Variants in ZFYVE28 observed in about 807,000 individuals in gnomAD.
The protein encoded by ZFYVE28 is lateral signaling target protein 2 homolog.
Under a neutral mutation model 82.1 loss-of-function variants are expected in ZFYVE28, and 40 were observed. That is an observed-to-expected ratio of 0.49 (90% CI 0.38 to 0.63). The LOEUF (loss-of-function observed/expected upper bound fraction) is 0.63, where lower values mean the gene tolerates loss of function less well. Ranked by LOEUF, ZFYVE28 falls within the 30% of genes least tolerant of loss-of-function variation. The pLI is 0.00. For synonymous variants in ZFYVE28, 612 were observed against 546.1 expected, an observed-to-expected ratio of 1.12 and a Z score of -1.68; for missense variants, 1,321 against 1,242.1, an observed-to-expected ratio of 1.06 and a Z score of -0.96.
rs67940269 is a variant in ZFYVE28 at position 2,327,251 on chromosome 4, AATATATATATATATATATATATATATAT to A, written c.702-7008_702-6981del. ...GGTGACGGAGCAAGACTCCATCTCA[AATATATATATATATATATATATATATAT>A]ATATATATATATATATATATATATA... On this transcript the variant is annotated intron_variant, in intron 6 of 12. Transcript: ENST00000290974. Among the ~76,000 whole-genome samples, 787 of 87,328 alleles carry A rather than the reference AATATATATATATATATATATATATATAT, an allele frequency of 9.0e-3. 30 individuals carry two copies. Among genetic ancestry groups the A allele is most frequent in the East Asian group, 0.052 (105 of 2,006 alleles). The allele number at this position is 87,328 out of a possible 152,430, so 57.3% of individuals were successfully genotyped here.
At chr4:2,283,573 T>C (rs1293263682) in intron 8 of ZFYVE28, among the ~76,000 whole-genome samples, 8 of 150,068 alleles carry the variant, frequency 5.3e-5, no homozygotes, top group African/African-American at 1.5e-4. Context: ...CAACCGTCCA[T>C]CCACCCATCC....
intron 7 of ZFYVE28, among the ~76,000 whole-genome samples, chr4:2,311,827 A>C (rs151191571): frequency 0.011 from 1,682 of 152,200 alleles, 29 homozygotes; most frequent in African/African-American, 0.038. Flanking sequence ...CTCAGACTGG[A>C]ATACAGTGAC....
intron 1 of ZFYVE28, among the ~76,000 whole-genome samples, chr4:2,374,943 C>T (rs1359869734): frequency 6.6e-6 from 1 of 152,184 alleles, no homozygotes; most frequent in Non-Finnish European, 1.5e-5. Context: ...CACCTGGTGC[C>T]CGTGGATAAG....
intron 1 of ZFYVE28, among the ~76,000 whole-genome samples, chr4:2,399,128 G>GGCGGGGGGTGAGAT (rs1560339090): frequency 9.3e-6 from 1 of 108,020 alleles, no homozygotes; most frequent in Non-Finnish European, 1.8e-5. Context: ...GAGGGCACAA[G>GGCGGGGGGTGAGAT]CTGGGTGGTG....
intron 1 of ZFYVE28, among the ~76,000 whole-genome samples, chr4:2,360,389 T>TCACA (rs10545681): frequency 0.31 from 44,727 of 143,100 alleles, 6,964 homozygotes; most frequent in East Asian, 0.41. Context: ...AGAGCTGTAA[T>TCACA]CACACACACA....
rs1722739264 is a variant in ZFYVE28, at chr4:2,341,177, C to T, written c.318+301G>A. ...ACACTTGTTCCTGATGTGGGCATTACTGCCATTAAAAACCACTTTTAGGTC... is the reference window on the plus strand; with the variant it reads ...ACACTTGTTCCTGATGTGGGCATTATTGCCATTAAAAACCACTTTTAGGTC... On this transcript the variant is annotated intron_variant, in intron 3 of 12. Coordinates refer to ENST00000290974, the MANE Select transcript of ZFYVE28 (RefSeq NM_020972.3). This position sits in a 1 kb window ranked among gnomAD's most constrained non-coding sequence, Gnocchi z 4.5. 2.2e-6 allele frequency: 1 copy of T among 456,920 alleles called. No homozygotes were observed. The highest frequency in any genetic ancestry group is 4.0e-6 in the Non-Finnish European group (1 of 250,474). The allele number at this position is 456,920 out of a possible 1,614,324, so 28.3% of individuals were successfully genotyped here. A position where few individuals can be genotyped will look rare whatever the true frequency, so the allele number is the denominator to read the frequency against.
At position 2,339,470 on chromosome 4, in the gene ZFYVE28, G is replaced by T; in HGVS notation, c.504C>A (p.Phe168Leu). The change falls in exon 4 of 13, where the codon TTC (phenylalanine) becomes TTA (leucine). Residue 168 changes from phenylalanine (F) to leucine (L), a missense_variant. This residue lies in a region of ZFYVE28 where 343 missense variants were observed against 408.4 expected (regional missense o/e 0.84). Transcript: ENST00000290974. The surrounding 1 kb of genome is among the most constrained non-coding windows in gnomAD (Gnocchi z 5.0). The part of the protein sequence containing the change: ...REALRHFDVL[F>L]AEFELSYVSA... ...TGCAGTACCTGAGCTCAAACTCTGCGAACAGGACGTCGAAGTGCCTCAGCG... is the reference window on the plus strand; with the variant it reads ...TGCAGTACCTGAGCTCAAACTCTGCTAACAGGACGTCGAAGTGCCTCAGCG... The T allele has an allele frequency of 1.9e-6, 3 of 1,613,812 alleles. No individual in the cohort carries two copies. Among genetic ancestry groups the T allele is most frequent in the Non-Finnish European group, 1.7e-6 (2 of 1,179,952 alleles).
At chr4:2,342,470 G>A (rs763928809) in intron 2 of ZFYVE28, 27 of 152,134 alleles carry the variant, frequency 1.8e-4, no homozygotes, top group Non-Finnish European at 2.9e-4. Flanking sequence ...CATAGCTTAC[G>A]ACAGCCTCAA....
intron 1 of ZFYVE28, among the ~76,000 whole-genome samples, chr4:2,356,377 C>T (rs571138648): frequency 1.3e-5 from 2 of 151,690 alleles, no homozygotes; most frequent in South Asian, 4.2e-4. Context: ...TGGGACACAG[C>T]CCAGAGCAAG....
intron 8 of ZFYVE28, among the ~76,000 whole-genome samples, chr4:2,296,625 A>G (rs1189950578): frequency 1.3e-5 from 2 of 152,088 alleles, no homozygotes; most frequent in Non-Finnish European, 2.9e-5. Flanking sequence ...TTAGGGACCA[A>G]TGGCTGCAGC....
intron 1 of ZFYVE28, among the ~76,000 whole-genome samples, chr4:2,400,516 G>A (rs1393324931): frequency 1.3e-5 from 2 of 152,120 alleles, no homozygotes; most frequent in African/African-American, 4.8e-5. Context: ...GTTTGCCTGG[G>A]TATATTAGTC....
In ZFYVE28 at chr4:2,303,279, C is replaced by T. The variant is rs149119500; in HGVS notation, c.2051+1010G>A. ...AGGACCGAGCACGGGAAGAAGGAGGCGTCTGCCCGCCACCAAGAACCCCCT... is the reference window on the plus strand; with the variant it reads ...AGGACCGAGCACGGGAAGAAGGAGGTGTCTGCCCGCCACCAAGAACCCCCT... On this transcript the variant is annotated intron_variant, in intron 8 of 12. Coordinates refer to ENST00000290974, the MANE Select transcript of ZFYVE28 (RefSeq NM_020972.3). Among the ~76,000 whole-genome samples, 194 of 152,282 alleles carry T rather than the reference C, an allele frequency of 1.3e-3. 6 individuals carry two copies. The Middle Eastern group carries it at 0.037, about 29-fold the overall frequency.
At chr4:2,410,230 A>G (rs1016092738) in intron 1 of ZFYVE28, among the ~76,000 whole-genome samples, 2 of 152,008 alleles carry the variant, frequency 1.3e-5, no homozygotes, top group African/African-American at 4.8e-5. Context: ...CATCACCCCA[A>G]AAGGAAACCC....
chr4:2,319,654 C>T (rs1718754748), intron 7 of ZFYVE28, among the ~76,000 whole-genome samples: 1 of 152,204 alleles, frequency 6.6e-6, no homozygotes, highest in African/African-American at 2.4e-5. Context: ...GCTCAGGCCA[C>T]CCAGCAAAGC....
chr4:2,415,892 G>A (rs1732987789), intron 1 of ZFYVE28, among the ~76,000 whole-genome samples: 1 of 152,210 alleles, frequency 6.6e-6, no homozygotes, highest in Non-Finnish European at 1.5e-5. Flanking sequence ...AGTTCAGACT[G>A]CCCACAGGGC....
chr4:2,334,719 T>G lies in ZFYVE28; in HGVS notation c.701+986A>C, dbSNP rs1190862505. ...CTACTCTGCCCAGTCCCACACCTGC[T>G]GGCCGCTGCCCACTGGACCCTCCCC... On this transcript the variant is annotated intron_variant, in intron 6 of 12. Transcript: ENST00000290974. 2.9e-5 allele frequency among the ~76,000 whole-genome samples: 4 copies of G among 137,074 alleles called. 1 individual carries two copies. The highest frequency in any genetic ancestry group is 6.4e-5 in the Non-Finnish European group (4 of 62,122). The allele number at this position is 137,074 out of a possible 152,430, so 89.9% of individuals were successfully genotyped here.
At chr4:2,370,742 A>G (rs1177457301) in intron 1 of ZFYVE28, among the ~76,000 whole-genome samples, 2 of 152,106 alleles carry the variant, frequency 1.3e-5, no homozygotes, top group African/African-American at 4.8e-5. Flanking sequence ...AGGCCATGGG[A>G]CCACCTGCAG....
intron 8 of ZFYVE28, among the ~76,000 whole-genome samples, chr4:2,284,671 T>A (rs775476616): frequency 6.6e-6 from 1 of 152,174 alleles, no homozygotes; most frequent in African/African-American, 2.4e-5. Flanking sequence ...TCTCCTCTTA[T>A]GGTGCCTCAC....
chr4:2,301,976 T>C (rs567703045), intron 8 of ZFYVE28, among the ~76,000 whole-genome samples: 13 of 152,284 alleles, frequency 8.5e-5, no homozygotes, highest in Admixed American at 4.6e-4. Context: ...AAGCCAGCAC[T>C]TGGGCCCGAG....
Sources: gnomAD v4.1 joint callset for allele counts (sites outside exome capture counted in the v4.1 genomes callset) on GRCh38, gnomAD v4.1.1 for gene constraint, gnomAD v4.1.1 regional missense constraint, Gnocchi (gnomAD v3.1) non-coding constraint, MANE v1.5 for transcripts, NCBI Gene and HGNC (gene_info 2026-07-23, HGNC 2026-07-21) for gene names.